The following SLC38A4 variants were observed in gnomAD, a reference collection of about 807,000 sequenced individuals.
The protein encoded by SLC38A4 is solute carrier family 38 member 4, also known as sodium-coupled neutral amino acid transporter 4.
SLC38A4 carries 20 observed loss-of-function variants against 63.1 expected under a neutral mutation model. That is an observed-to-expected ratio of 0.32 (90% CI 0.22 to 0.46). SLC38A4 has a LOEUF of 0.46. Ranked by LOEUF, SLC38A4 falls within the 20% of genes least tolerant of loss-of-function variation. The pLI is 1.00. For missense variants in SLC38A4, 526 were observed against 663.6 expected (o/e 0.79, Z 2.28); for synonymous variants, 230 against 225.5 (o/e 1.02, Z -0.18).
intron 5 of SLC38A4, 77 bp downstream of exon 5, chr12:46,787,839 C>T (rs1938794384): frequency 9.6e-7 from 1 of 1,043,656 alleles, no homozygotes; most frequent in Admixed American, 2.1e-5. Flanking sequence ...AAAGATCAAA[C>T]TTGAGATTGT....
At chr12:46,816,332 C>A (rs1939441711) in intron 1 of SLC38A4, among the ~76,000 whole-genome samples, 1 of 151,784 alleles carries the variant, frequency 6.6e-6, no homozygotes, top group African/African-American at 2.4e-5. Context: ...GCAAAAAACA[C>A]AAAACCATAC....
chr12:46,773,787 T>C (rs1592175467), intron 14 of SLC38A4, among the ~76,000 whole-genome samples: 1 of 152,184 alleles, frequency 6.6e-6, no homozygotes, highest in Non-Finnish European at 1.5e-5. Flanking sequence ...AAACCATGGC[T>C]TGAAAACACT....
intron 5 of SLC38A4, among the ~76,000 whole-genome samples, chr12:46,786,729 T>C (rs568806537): frequency 6.6e-6 from 1 of 152,260 alleles, no homozygotes; most frequent in East Asian, 1.9e-4. Context: ...TAAAAACCCA[T>C]TCAGCTGAAG....
At chr12:46,769,593 A>G (rs1431680960) in intron 14 of SLC38A4, among the ~76,000 whole-genome samples, 165 bp from the exon 15 acceptor site, 1 of 152,076 alleles carries the variant, frequency 6.6e-6, no homozygotes, top group Non-Finnish European at 1.5e-5. Flanking sequence ...CATACATAAC[A>G]TAGAATTTAC....
intron 7 of SLC38A4, among the ~76,000 whole-genome samples, chr12:46,780,281 A>C (rs1938612750): frequency 6.6e-6 from 1 of 151,990 alleles, no homozygotes. Context: ...GTTTACAGTG[A>C]AGCTGCAGTT....
chr12:46,775,037 T>G lies in SLC38A4; in HGVS notation c.1299+12A>C. 1 of 1,611,704 alleles carries G rather than the reference T, an allele frequency of 6.2e-7. No homozygotes were observed. The highest frequency in any genetic ancestry group is 8.5e-7 in the Non-Finnish European group (1 of 1,178,600). On this transcript the variant is annotated intron_variant, in intron 14 of 16. Coordinates refer to ENST00000266579, the MANE Select transcript of SLC38A4 (RefSeq NM_018018.5). The stretch of plus-strand genomic sequence containing the variant: ...CAAGTAGGTTTCTTTCATCAAAGTC[T>G]TATGTACTTACTGGGAAGAGGACAA...
At chr12:46,794,957 G>A (rs766454917) in intron 2 of SLC38A4, among the ~76,000 whole-genome samples, 1 of 151,664 alleles carries the variant, frequency 6.6e-6, no homozygotes, top group South Asian at 2.1e-4. Context: ...AAAGCTAAGA[G>A]AGAATAGAAG....
In SLC38A4 at chr12:46,778,560, C is replaced by A; in HGVS notation, c.934G>T (p.Glu312Ter). The A allele has an allele frequency of 6.2e-7, 1 of 1,613,046 alleles. No individual in the cohort carries two copies. The highest frequency in any genetic ancestry group is 1.1e-5 in the South Asian group (1 of 91,060). Residue 312 changes from glutamate (E) to a stop codon, truncating the protein, a stop_gained, in exon 11 of 17, where the codon GAA (glutamate) becomes TAA (stop). Coordinates refer to ENST00000266579, the MANE Select transcript of SLC38A4 (RefSeq NM_018018.5). LOFTEE classifies it high-confidence loss of function. Reference protein sequence around the residue: ...AKGSLHDSGVEYEAHSDDKCE... With the variant: ...AKGSLHDSGV ...TTGTCATCACTATGAGCTTCATATT[C>A]TACTCCACTGTCATGAAGAGAGCCC... is the stretch of plus-strand genomic sequence containing the variant.
Position 46,766,221 on chromosome 12 carries a change from C to G in SLC38A4, c.*480G>C, listed in dbSNP as rs1938295883. Reference sequence around the variant, plus strand: ...AGTTCCTAAGACATGCCTTTTGCCTCTGTTAGTAAACAGACCAGAGACTTT... The same window carrying G: ...AGTTCCTAAGACATGCCTTTTGCCTGTGTTAGTAAACAGACCAGAGACTTT... On this transcript the variant is annotated 3_prime_UTR_variant, in exon 17 of 17. Coordinates refer to ENST00000266579, the MANE Select transcript of SLC38A4 (RefSeq NM_018018.5). The G allele has an allele frequency of 8.3e-6, 3 of 360,006 alleles. No individual in the cohort carries two copies. The highest frequency in any genetic ancestry group is 1.1e-5 in the Non-Finnish European group (2 of 182,004). 22.3% of individuals were successfully genotyped at this position (360,006 alleles called of 1,614,324 possible).
At position 46,795,184 on chromosome 12, in the gene SLC38A4, A is replaced by AT. The variant is rs147520287; in HGVS notation, c.-112-2002dup. ...TTTACTGATTTTAGACTGGTTACCC[A>AT]TAAAAAATAAGGACATTAGCATACT... is the stretch of plus-strand genomic sequence containing the variant. On this transcript the variant is annotated intron_variant, in intron 2 of 16. Coordinates refer to ENST00000266579, the MANE Select transcript of SLC38A4 (RefSeq NM_018018.5). Among the ~76,000 whole-genome samples the AT allele has an allele frequency of 2.0e-4, 31 of 152,136 alleles. No homozygotes were observed. The East Asian group carries it at 6.0e-3, about 29-fold the overall frequency.
intron 1 of SLC38A4, among the ~76,000 whole-genome samples, chr12:46,821,703 G>T (rs868611731): frequency 2.6e-5 from 4 of 151,978 alleles, no homozygotes; most frequent in African/African-American, 9.7e-5. Flanking sequence ...TAAATTTTAT[G>T]ATTATTTTTC....
intron 4 of SLC38A4, 136 bp downstream of exon 4, chr12:46,788,392 C>T: frequency 1.5e-6 from 1 of 679,110 alleles, no homozygotes; most frequent in South Asian, 1.9e-5. Context: ...GCCCTTATTC[C>T]AGTAAGAGCC....
intron 2 of SLC38A4, among the ~76,000 whole-genome samples, chr12:46,795,589 A>G (rs1938986535): frequency 6.6e-6 from 1 of 152,048 alleles, no homozygotes. Context: ...ATTTTGCATT[A>G]TGCTAAAATA....
Position 46,777,017 on chromosome 12 carries a change from A to G in SLC38A4, c.1074-13T>C, listed in dbSNP as rs1269348581. ...TCTCCGGGACCGACTGGAAAAAGAAAGAACACCAAGCTTTGTTTTTTAAAC... is the reference window on the plus strand; with the variant it reads ...TCTCCGGGACCGACTGGAAAAAGAAGGAACACCAAGCTTTGTTTTTTAAAC... On this transcript the variant is annotated splice_polypyrimidine_tract_variant and intron_variant, in intron 12 of 16. Transcript: ENST00000266579. 6.3e-7 allele frequency: 1 copy of G among 1,598,286 alleles called. No individual in the cohort carries two copies. The highest frequency in any genetic ancestry group is 1.7e-5 in the Admixed American group (1 of 58,380).
At chr12:46,808,438 TC>T (rs1432671982) in intron 1 of SLC38A4, among the ~76,000 whole-genome samples, 4 of 151,982 alleles carry the variant, frequency 2.6e-5, no homozygotes, top group Non-Finnish European at 4.4e-5. Context: ...CAAGTTTGGT[TC>T]AGGTTGACAA....
intron 1 of SLC38A4, chr12:46,832,196 CG>C (rs1939740647): frequency 6.6e-6 from 1 of 152,016 alleles, no homozygotes; most frequent in South Asian, 2.1e-4. Flanking sequence ...ATTGAGAGAC[CG>C]GGCTACACAC....
chr12:46,831,226 G>T (rs1196647791), intron 1 of SLC38A4, among the ~76,000 whole-genome samples: 1 of 152,174 alleles, frequency 6.6e-6, no homozygotes, highest in Non-Finnish European at 1.5e-5. Context: ...CGCGCTGCCT[G>T]GGCGCACAGC....
At chr12:46,790,351 T>C (rs1938858678) in intron 3 of SLC38A4, among the ~76,000 whole-genome samples, 1 of 152,152 alleles carries the variant, frequency 6.6e-6, no homozygotes, top group Non-Finnish European at 1.5e-5. Flanking sequence ...CTTCTCCCCA[T>C]ATTTCTCACA....
intron 1 of SLC38A4, among the ~76,000 whole-genome samples, chr12:46,812,072 C>T (rs1044491481): frequency 6.6e-5 from 10 of 151,876 alleles, no homozygotes; most frequent in African/African-American, 2.2e-4. Flanking sequence ...AGCAATTTTC[C>T]AGTAATATTA....
Sources: allele counts gnomAD v4.1 joint callset (sites outside exome capture counted in the v4.1 genomes callset), GRCh38; gene constraint gnomAD v4.1.1; transcripts MANE v1.5; gene names NCBI Gene and HGNC (gene_info 2026-07-23, HGNC 2026-07-21).